PCDH11X: variants seen among roughly 807,000 people sequenced by gnomAD.
PCDH11X encodes the protein protocadherin-11 X-linked.
A neutral mutation model predicts 53.3 loss-of-function variants in PCDH11X; 18 were observed. That is an observed-to-expected ratio of 0.34 (90% confidence interval 0.23 to 0.50). The LOEUF is 0.50. Ranked by LOEUF, PCDH11X falls within the 20% of genes least tolerant of loss-of-function variation. The pLI is 0.98. For synonymous variants in PCDH11X, 279 were observed against 393.3 expected (o/e 0.71, Z 3.44); for missense variants, 570 against 1,032.4 (o/e 0.55, Z 6.14).
At chrX:91,911,077 C>A (rs1171205314) in intron 6 of PCDH11X, among the ~76,000 whole-genome samples, 3 of 111,184 alleles carry the variant, frequency 2.7e-5, no homozygotes, top group Non-Finnish European at 5.7e-5. Flanking sequence ...GAATTTCAAA[C>A]ATAAAATTTT....
chrX:92,357,119 C>CT (rs11328192), intron 8 of PCDH11X, among the ~76,000 whole-genome samples: 54 of 87,445 alleles, frequency 6.2e-4, no homozygotes, highest in Non-Finnish European at 8.1e-4. Context: ...CAAGGCCTCA[C>CT]TTTTTTTTTT....
chrX:92,271,287 T>C (rs992657735), intron 8 of PCDH11X, among the ~76,000 whole-genome samples: 1 of 112,351 alleles, frequency 8.9e-6, no homozygotes, highest in Non-Finnish European at 1.9e-5. Flanking sequence ...ATGACAGCTC[T>C]AAAGAAATCT....
chrX:92,548,473 T>C (rs2074897590), intron 10 of PCDH11X, among the ~76,000 whole-genome samples: 1 of 111,947 alleles, frequency 8.9e-6, no homozygotes, highest in African/African-American at 3.3e-5. Flanking sequence ...ACGCAGCCCC[T>C]AAAATTCTCT....
intron 9 of PCDH11X, among the ~76,000 whole-genome samples, chrX:92,461,784 G>A (rs889244898): frequency 5.4e-5 from 6 of 111,098 alleles, no homozygotes; most frequent in Non-Finnish European, 7.6e-5. Context: ...CCCACAGAAG[G>A]GGGGGAAATA....
At chrX:92,475,559 T>C (rs916489987) in intron 10 of PCDH11X, among the ~76,000 whole-genome samples, 11 of 112,065 alleles carry the variant, frequency 9.8e-5, no homozygotes, top group Non-Finnish European at 2.1e-4. Context: ...GGTGCTCCAT[T>C]GTATGTTATT....
chrX:92,204,746 G>A (rs2066447170), intron 7 of PCDH11X, among the ~76,000 whole-genome samples: 1 of 111,833 alleles, frequency 8.9e-6, no homozygotes. Context: ...CCGTTCTCAC[G>A]CTGCTATGAA....
At chrX:91,873,094 T>C (rs1346192895) in intron 5 of PCDH11X, among the ~76,000 whole-genome samples, 6 of 107,100 alleles carry the variant, frequency 5.6e-5, no homozygotes, top group African/African-American at 2.0e-4. Context: ...CAATATTAAG[T>C]TTAAATATGT....
At position 92,198,766 on chromosome X, in the gene PCDH11X, A is replaced by G. The variant is rs187422606; in HGVS notation, c.3034-2609A>G. On this transcript the variant is annotated intron_variant, in intron 6 of 10. Coordinates refer to ENST00000682573, the MANE Select transcript of PCDH11X (RefSeq NM_032968.5). ...GAAGCTGAAAATATATTTTCCATTT[A>G]TTGCAAAAACTTTATTATTGTGTAT... Among the ~76,000 whole-genome samples the G allele has an allele frequency of 8.2e-4, 91 of 111,301 alleles. No individual in the cohort carries two copies. In the East Asian group the frequency reaches 0.012, roughly 15 times the overall value.
chrX:92,481,018 G>A (rs781361180), intron 10 of PCDH11X, among the ~76,000 whole-genome samples: 15 of 110,712 alleles, frequency 1.4e-4, no homozygotes, highest in African/African-American at 4.3e-4. Flanking sequence ...TGGTTTTAGC[G>A]CAAGGGCTGG....
At chrX:92,368,291 T>C (rs1370063358) in intron 8 of PCDH11X, among the ~76,000 whole-genome samples, 1 of 111,735 alleles carries the variant, frequency 8.9e-6, no homozygotes, top group Non-Finnish European at 1.9e-5. Flanking sequence ...AGCTTGGCTA[T>C]TGATACTTGT....
intron 6 of PCDH11X, among the ~76,000 whole-genome samples, chrX:92,198,487 A>G (rs1412272986): frequency 9.3e-6 from 1 of 107,991 alleles, no homozygotes; most frequent in Non-Finnish European, 1.9e-5. Flanking sequence ...CAGCTTTGCA[A>G]TTAGTCAAGT....
At chrX:91,886,772 C>T (rs1192794729) in intron 6 of PCDH11X, among the ~76,000 whole-genome samples, 1 of 108,716 alleles carries the variant, frequency 9.2e-6, no homozygotes, top group African/African-American at 3.4e-5. Context: ...GAGATCGAGA[C>T]CATCCTGGCT....
At chrX:91,967,526 A>G (rs755687348) in intron 6 of PCDH11X, among the ~76,000 whole-genome samples, 59 of 108,739 alleles carry the variant, frequency 5.4e-4, no homozygotes, top group Admixed American at 2.7e-3. Context: ...ACCATTATCC[A>G]CCCACCCACC....
intron 6 of PCDH11X, among the ~76,000 whole-genome samples, chrX:91,917,440 AT>A (rs1428102059): frequency 1.0e-5 from 1 of 96,689 alleles, no homozygotes; most frequent in East Asian, 3.4e-4. Context: ...ACACTCCTAG[AT>A]TTTATAAACG....
chrX:92,061,448 T>C (rs1291484280), intron 6 of PCDH11X, among the ~76,000 whole-genome samples: 1 of 108,558 alleles, frequency 9.2e-6, no homozygotes, highest in Non-Finnish European at 1.9e-5. Context: ...TCTTCCAGAG[T>C]TTTCATATGT....
chrX:92,609,467 G>T (rs1927140339), intron 10 of PCDH11X, among the ~76,000 whole-genome samples: 1 of 111,153 alleles, frequency 9.0e-6, no homozygotes, highest in African/African-American at 3.3e-5. Flanking sequence ...GTATCTCTTT[G>T]CATTTTAAAT....
intron 10 of PCDH11X, among the ~76,000 whole-genome samples, chrX:92,493,277 C>T (rs929645245): frequency 3.6e-5 from 4 of 110,330 alleles, no homozygotes; most frequent in Non-Finnish European, 7.6e-5. Flanking sequence ...AACTTCAAAG[C>T]AAGATGAATA....
At chrX:92,364,230 T>C (rs2070411088) in intron 8 of PCDH11X, among the ~76,000 whole-genome samples, 1 of 111,584 alleles carries the variant, frequency 9.0e-6, no homozygotes, top group Admixed American at 9.6e-5. Context: ...TTTGTGACTG[T>C]GCAAACATCA....
intron 6 of PCDH11X, among the ~76,000 whole-genome samples, chrX:91,943,570 C>T (rs1425432654): frequency 9.4e-6 from 1 of 106,373 alleles, no homozygotes; most frequent in East Asian, 3.0e-4. Flanking sequence ...TTCTTAGTAA[C>T]ATACAAATAG....
Sources: gnomAD v4.1 joint callset for allele counts (sites outside exome capture counted in the v4.1 genomes callset) on GRCh38, gnomAD v4.1.1 for gene constraint, MANE v1.5 for transcripts, NCBI Gene and HGNC (gene_info 2026-07-23, HGNC 2026-07-21) for gene names.